GMDS: variants seen among roughly 807,000 people sequenced by gnomAD.
GMDS encodes GDP-mannose 4,6-dehydratase.
GMDS carries 20 observed loss-of-function variants against 49.9 expected under a neutral mutation model. The ratio of observed to expected loss-of-function variants is 0.40; its 90% CI spans 0.28 to 0.58. The LOEUF is 0.58. Among genes scored for constraint, GMDS ranks in the 20% least tolerant of loss-of-function variants. GMDS has a pLI of 0.42. For missense variants in GMDS, 362 were observed against 481.4 expected (o/e 0.75, Z 2.32); for synonymous variants, 177 against 178.6 (o/e 0.99, Z 0.07).
rs147092673 is a variant in GMDS at position 2,063,850 on chromosome 6, C to A, written c.345+51921G>T. On this transcript the variant is annotated intron_variant, in intron 4 of 10. Coordinates refer to ENST00000380815, the MANE Select transcript of GMDS (RefSeq NM_001500.4). ...ATGTCAAATGTGGAGTGAGAACGAG[C>A]CAGAAAAAGCTGTTTGAAGGTTAGA... is the stretch of plus-strand genomic sequence containing the variant. Among the ~76,000 whole-genome samples the A allele has an allele frequency of 7.9e-4, 120 of 152,214 alleles. No homozygotes were observed. The East Asian group carries it at 8.9e-3, about 11-fold the overall frequency.
chr6:2,228,289 T>G (rs904181023), intron 1 of GMDS, among the ~76,000 whole-genome samples: 1 of 152,178 alleles, frequency 6.6e-6, no homozygotes, highest in Non-Finnish European at 1.5e-5. Context: ...ACACCACCCT[T>G]CTGTGCTTCT....
At chr6:1,759,689 G>A (rs1216528665) in intron 7 of GMDS, among the ~76,000 whole-genome samples, 2 of 152,118 alleles carry the variant, frequency 1.3e-5, no homozygotes, top group Non-Finnish European at 2.9e-5. Context: ...CATTTATATA[G>A]GAAAAAGCGT....
intron 1 of GMDS, among the ~76,000 whole-genome samples, chr6:2,161,251 C>T (rs1016894691): frequency 2.3e-4 from 35 of 152,210 alleles, no homozygotes; most frequent in Admixed American, 2.0e-3. Context: ...CCTTGTGATC[C>T]GCCTGCCTCG....
At chr6:2,187,206 G>A (rs1416116422) in intron 1 of GMDS, among the ~76,000 whole-genome samples, 2 of 152,208 alleles carry the variant, frequency 1.3e-5, no homozygotes, top group African/African-American at 2.4e-5. Context: ...CAGGTAAAGC[G>A]TTCCTGTCTC....
At chr6:1,976,579 T>C (rs1764915133) in intron 4 of GMDS, among the ~76,000 whole-genome samples, 1 of 152,198 alleles carries the variant, frequency 6.6e-6, no homozygotes, top group South Asian at 2.1e-4. Context: ...TAATGGAGAA[T>C]AATTTCAATA....
At chr6:1,664,399 G>A (rs12660651) in intron 9 of GMDS, among the ~76,000 whole-genome samples, 9,889 of 152,278 alleles carry the variant, frequency 0.065, 363 homozygotes, top group South Asian at 0.12. Context: ...TGAGGTGGGG[G>A]AGTGTTCTTA....
At chr6:2,142,218 A>G (rs950903548) in intron 1 of GMDS, among the ~76,000 whole-genome samples, 2 of 152,228 alleles carry the variant, frequency 1.3e-5, no homozygotes, top group Non-Finnish European at 2.9e-5. Flanking sequence ...TTAAATAACA[A>G]TAACAACAAT....
At chr6:2,188,547 T>C (rs1488592396) in intron 1 of GMDS, among the ~76,000 whole-genome samples, 1 of 152,218 alleles carries the variant, frequency 6.6e-6, no homozygotes, top group African/African-American at 2.4e-5. Context: ...TTTGCAGCAA[T>C]GAAGTATGTT....
At chr6:2,155,987 C>T (rs1777093938) in intron 1 of GMDS, among the ~76,000 whole-genome samples, 1 of 151,744 alleles carries the variant, frequency 6.6e-6, no homozygotes, top group African/African-American at 2.4e-5. Context: ...TTAAATCGCT[C>T]ATTGTTTTTT....
At chr6:1,802,290 C>T (rs551464147) in intron 7 of GMDS, among the ~76,000 whole-genome samples, 2 of 152,194 alleles carry the variant, frequency 1.3e-5, no homozygotes, top group South Asian at 2.1e-4. Context: ...TGCCTATAGT[C>T]GTTACTCAAT....
chr6:1,626,496 G>T (rs1346904601), intron 9 of GMDS, among the ~76,000 whole-genome samples: 2 of 152,174 alleles, frequency 1.3e-5, no homozygotes, highest in Admixed American at 6.5e-5. Context: ...ATTTCTACAG[G>T]CTTCTATTTT....
At chr6:2,006,409 C>T (rs555650775) in intron 4 of GMDS, among the ~76,000 whole-genome samples, 2 of 152,156 alleles carry the variant, frequency 1.3e-5, no homozygotes, top group East Asian at 1.9e-4. Context: ...GCCTGAACCA[C>T]ACAGCAAGAT....
chr6:1,821,252 G>A (rs1049051357), intron 7 of GMDS, among the ~76,000 whole-genome samples: 1 of 152,084 alleles, frequency 6.6e-6, no homozygotes, highest in Non-Finnish European at 1.5e-5. Context: ...GGAAGTGAGT[G>A]GGTCTCCCGG....
chr6:2,190,236 G>A (rs949347355), intron 1 of GMDS, among the ~76,000 whole-genome samples: 3 of 152,196 alleles, frequency 2.0e-5, no homozygotes, highest in African/African-American at 4.8e-5. Context: ...TTTTTTAAAC[G>A]TTTCTAATAA....
At chr6:1,660,792 G>A (rs369534588) in intron 9 of GMDS, among the ~76,000 whole-genome samples, 8 of 146,726 alleles carry the variant, frequency 5.5e-5, no homozygotes, top group African/African-American at 2.0e-4. Context: ...GATGACAGGA[G>A]ATGTTGGCGG....
chr6:1,740,557 A>C (rs1383400061), intron 8 of GMDS, among the ~76,000 whole-genome samples: 2 of 138,786 alleles, frequency 1.4e-5, no homozygotes, highest in Admixed American at 7.0e-5. Flanking sequence ...ACTCCGTCTC[A>C]AAAAAAAAAA....
intron 7 of GMDS, among the ~76,000 whole-genome samples, chr6:1,864,080 TTC>T (rs767676676): frequency 3.3e-5 from 5 of 152,118 alleles, no homozygotes; most frequent in Non-Finnish European, 7.4e-5. Flanking sequence ...TAAATTAACT[TTC>T]TAGTTTATCA....
chr6:2,196,933 G>C (rs1188038284), intron 1 of GMDS, among the ~76,000 whole-genome samples: 1 of 152,114 alleles, frequency 6.6e-6, no homozygotes, highest in Non-Finnish European at 1.5e-5. Flanking sequence ...TAATGATAAT[G>C]GTGGTGATGA....
Position 1,847,523 on chromosome 6 carries a change from A to C in GMDS, c.771+82580T>G, listed in dbSNP as rs554914326. On this transcript the variant is annotated intron_variant, in intron 7 of 10. Coordinates refer to ENST00000380815, the MANE Select transcript of GMDS (RefSeq NM_001500.4). The stretch of plus-strand genomic sequence containing the variant: ...TCAGTGGACATTCATCTCTAATTCC[A>C]TTCCCTAAGTTCCCTTGCACATGTC... Among the ~76,000 whole-genome samples the C allele has an allele frequency of 4.6e-5, 7 of 152,318 alleles. No homozygotes were observed. In the East Asian group the frequency reaches 9.7e-4, roughly 21 times the overall value.
Sources: gnomAD v4.1 joint callset for allele counts (sites outside exome capture counted in the v4.1 genomes callset) on GRCh38, gnomAD v4.1.1 for gene constraint, MANE v1.5 for transcripts, NCBI Gene and HGNC (gene_info 2026-07-23, HGNC 2026-07-21) for gene names.